Variants in TSHZ2 observed in about 807,000 individuals in gnomAD.
TSHZ2 encodes the protein teashirt homolog 2.
Under a neutral mutation model 74.4 loss-of-function variants are expected in TSHZ2, and 21 were observed. That is an observed-to-expected ratio of 0.28 (90% CI 0.20 to 0.41). The LOEUF (loss-of-function observed/expected upper bound fraction) is 0.41. Ranked by LOEUF, TSHZ2 falls within the 10% of genes least tolerant of loss-of-function variation. The pLI is 1.00. For missense variants in TSHZ2, 1,244 were observed against 1,293.5 expected, an observed-to-expected ratio of 0.96 and a Z score of 0.59; for synonymous variants, 540 against 515.3, an observed-to-expected ratio of 1.05 and a Z score of -0.65.
intron 1 of TSHZ2, among the ~76,000 whole-genome samples, chr20:53,001,219 T>TGTGTGTGC (rs1982411147): frequency 7.1e-6 from 1 of 141,510 alleles, no homozygotes; most frequent in South Asian, 2.2e-4. Flanking sequence ...TGTGTGTGTG[T>TGTGTGTGC]GTGTGTGTGT....
At chr20:53,144,645 T>C (rs1987493832) in intron 1 of TSHZ2, among the ~76,000 whole-genome samples, 1 of 152,154 alleles carries the variant, frequency 6.6e-6, no homozygotes, top group South Asian at 2.1e-4. Context: ...GGCACAGAGA[T>C]GGTAAATAAC....
chr20:53,221,975 A>G (rs1235284357), intron 1 of TSHZ2, among the ~76,000 whole-genome samples: 1 of 152,240 alleles, frequency 6.6e-6, no homozygotes, highest in Non-Finnish European at 1.5e-5. Flanking sequence ...GTTAGGCGAA[A>G]TAAGAAACTG....
intron 2 of TSHZ2, among the ~76,000 whole-genome samples, chr20:53,470,972 A>G (rs558918073): frequency 6.6e-6 from 1 of 152,296 alleles, no homozygotes; most frequent in Admixed American, 6.5e-5. Context: ...CAACTTCTTT[A>G]TCTTTGGGGT....
chr20:53,197,346 T>C (rs1988896811), intron 1 of TSHZ2, among the ~76,000 whole-genome samples: 1 of 152,222 alleles, frequency 6.6e-6, no homozygotes, highest in Admixed American at 6.5e-5. Context: ...ACGTGCAGTT[T>C]TGGGTTTTGC....
At chr20:53,471,791 C>T (rs1380622458) in intron 2 of TSHZ2, among the ~76,000 whole-genome samples, 2 of 139,314 alleles carry the variant, frequency 1.4e-5, no homozygotes, top group Admixed American at 1.6e-4. Context: ...GTGCCGTAGA[C>T]ACTTTTCTTT....
chr20:53,190,274 C>G (rs1988706570), intron 1 of TSHZ2, among the ~76,000 whole-genome samples: 1 of 150,740 alleles, frequency 6.6e-6, no homozygotes, highest in African/African-American at 2.4e-5. Context: ...GGCAAAATGG[C>G]TAAGTAGGTT....
At chr20:53,441,335 G>A (rs6022472) in intron 2 of TSHZ2, among the ~76,000 whole-genome samples, 24,239 of 147,996 alleles carry the variant, frequency 0.16, 2,060 homozygotes, top group East Asian at 0.32. Flanking sequence ...GCACGATCTC[G>A]GCTCACTGCA....
At chr20:52,997,264 G>GT (rs201340233) in intron 1 of TSHZ2, among the ~76,000 whole-genome samples, 10 of 136,988 alleles carry the variant, frequency 7.3e-5, no homozygotes, top group South Asian at 2.4e-4. Flanking sequence ...TGCCCCGGGG[G>GT]GGGGTTCAGC....
At chr20:53,041,781 C>A (rs918070797) in intron 1 of TSHZ2, among the ~76,000 whole-genome samples, 1 of 152,334 alleles carries the variant, frequency 6.6e-6, no homozygotes, top group South Asian at 2.1e-4. Flanking sequence ...TCTGCAAAAT[C>A]CATGCCACGA....
intron 2 of TSHZ2, among the ~76,000 whole-genome samples, chr20:53,372,647 G>T (rs1222289184): frequency 6.6e-6 from 1 of 152,170 alleles, no homozygotes; most frequent in African/African-American, 2.4e-5. Flanking sequence ...GAGAGTCTTT[G>T]CTGGCCTTTC....
intron 2 of TSHZ2, among the ~76,000 whole-genome samples, chr20:53,293,670 C>T (rs1027016659): frequency 7.0e-6 from 1 of 143,598 alleles, no homozygotes; most frequent in Non-Finnish European, 1.5e-5. Flanking sequence ...GTACCCAGTG[C>T]TGTGCTGGTA....
At chr20:53,004,029 A>G (rs938501288) in intron 1 of TSHZ2, among the ~76,000 whole-genome samples, 2 of 151,934 alleles carry the variant, frequency 1.3e-5, no homozygotes, top group African/African-American at 4.8e-5. Flanking sequence ...TGTTTTCATC[A>G]CTGCCAAATG....
intron 2 of TSHZ2, among the ~76,000 whole-genome samples, chr20:53,285,315 T>A (rs954751511): frequency 2.0e-5 from 3 of 152,164 alleles, no homozygotes; most frequent in African/African-American, 2.4e-5. Flanking sequence ...CAGGAGAGGA[T>A]TGGATTCATT....
At chr20:53,351,525 TA>T (rs1259875227) in intron 2 of TSHZ2, among the ~76,000 whole-genome samples, 1 of 152,184 alleles carries the variant, frequency 6.6e-6, no homozygotes, top group East Asian at 1.9e-4. Context: ...AAAAGTTACA[TA>T]AAAAATTAAC....
intron 2 of TSHZ2, among the ~76,000 whole-genome samples, chr20:53,309,832 C>T (rs1159325212): frequency 6.6e-6 from 1 of 152,118 alleles, no homozygotes; most frequent in Non-Finnish European, 1.5e-5. Context: ...GCAGACCTTC[C>T]TTTAGTGTGC....
intron 1 of TSHZ2, among the ~76,000 whole-genome samples, chr20:53,224,240 G>C (rs941959685): frequency 1.3e-5 from 2 of 152,154 alleles, no homozygotes; most frequent in Non-Finnish European, 2.9e-5. Context: ...AAAAACATTA[G>C]CCAGCAAAGA....
chr20:53,318,229 G>A (rs990423808), intron 2 of TSHZ2, among the ~76,000 whole-genome samples: 1 of 152,172 alleles, frequency 6.6e-6, no homozygotes, highest in Non-Finnish European at 1.5e-5. Flanking sequence ...AGAGAAAAGG[G>A]CATCTTAGAA....
chr20:53,128,191 G>T (rs557899908), intron 1 of TSHZ2, among the ~76,000 whole-genome samples: 5 of 152,308 alleles, frequency 3.3e-5, no homozygotes, highest in South Asian at 2.1e-4. Context: ...GAAAGGGACA[G>T]GGACTTAAAG....
intron 2 of TSHZ2, among the ~76,000 whole-genome samples, chr20:53,468,722 T>C (rs988433370): frequency 3.5e-5 from 5 of 144,222 alleles, no homozygotes; most frequent in Non-Finnish European, 6.1e-5. Flanking sequence ...AAAAAAACTC[T>C]CCTCCAACTT....
Sources: gnomAD v4.1 joint callset for allele counts (sites outside exome capture counted in the v4.1 genomes callset) on GRCh38, gnomAD v4.1.1 for gene constraint, MANE v1.5 for transcripts, NCBI Gene and HGNC (gene_info 2026-07-23, HGNC 2026-07-21) for gene names.